Variants in EPB41L3 observed in about 807,000 individuals in gnomAD.
EPB41L3 encodes the protein band 4.1-like protein 3.
EPB41L3 carries 57 observed loss-of-function variants against 127.1 expected under a neutral mutation model. That is an observed-to-expected ratio of 0.45 (90% CI 0.36 to 0.56). The LOEUF (loss-of-function observed/expected upper bound fraction) is 0.56. Ranked by LOEUF, EPB41L3 falls within the 20% of genes least tolerant of loss-of-function variation. The pLI is 0.00. For missense variants in EPB41L3, 1,273 were observed against 1,372.2 expected, an observed-to-expected ratio of 0.93 and a Z score of 1.14; for synonymous variants, 572 against 549.5, an observed-to-expected ratio of 1.04 and a Z score of -0.57.
intron 3 of EPB41L3, among the ~76,000 whole-genome samples, chr18:5,592,466 G>T (rs879339270): frequency 4.6e-5 from 7 of 152,202 alleles, no homozygotes; most frequent in Non-Finnish European, 8.8e-5. Flanking sequence ...CAAAATAAAA[G>T]TCAGATAAAC....
At chr18:5,488,963 G>T (rs759491383) in intron 2 of EPB41L3, 38 bp downstream of exon 2, 1 of 1,549,266 alleles carries the variant, frequency 6.5e-7, no homozygotes, top group Admixed American at 2.0e-5. Context: ...GAGCAGCTCA[G>T]CAAACACTGC....
chr18:5,629,340 C>A (rs1049982295), upstream of EPB41L3, among the ~76,000 whole-genome samples: 4 of 151,562 alleles, frequency 2.6e-5, no homozygotes, highest in South Asian at 8.3e-4. Flanking sequence ...GCGGTCCCTG[C>A]GGCTCCGCCG....
intron 3 of EPB41L3, among the ~76,000 whole-genome samples, chr18:5,608,758 G>A (rs545609766): frequency 3.3e-5 from 5 of 152,230 alleles, no homozygotes; most frequent in African/African-American, 1.2e-4. Flanking sequence ...AGACCCAAAA[G>A]TGCACACAGA....
intron 1 of EPB41L3, among the ~76,000 whole-genome samples, chr18:5,617,560 C>T (rs1033617792): frequency 1.2e-4 from 18 of 152,202 alleles, no homozygotes; most frequent in African/African-American, 1.9e-4. Flanking sequence ...CCTCGCGATC[C>T]GCCCGCCTCG....
intron 3 of EPB41L3, among the ~76,000 whole-genome samples, chr18:5,462,824 C>T (rs1243771546): frequency 6.6e-6 from 1 of 152,206 alleles, no homozygotes; most frequent in Admixed American, 6.5e-5. Context: ...ACATCTCTTG[C>T]AAATGACAAA....
At chr18:5,441,609 GC>G (rs1239807770) in intron 5 of EPB41L3, among the ~76,000 whole-genome samples, 1 of 152,106 alleles carries the variant, frequency 6.6e-6, no homozygotes. Context: ...GGGACTACAG[GC>G]GCACGCCACC....
At chr18:5,400,758 TAGA>T in intron 16 of EPB41L3, 1 of 569,274 alleles carries the variant, frequency 1.8e-6, no homozygotes, top group East Asian at 3.0e-5. Context: ...CAGCTTGGAT[TAGA>T]AGCCATGAAG....
intron 3 of EPB41L3, among the ~76,000 whole-genome samples, chr18:5,561,134 C>T (rs12606319): frequency 0.094 from 13,037 of 139,400 alleles, 915 homozygotes; most frequent in Middle Eastern, 0.16. Context: ...CCCGCCACTA[C>T]GCCCGGCTAA....
At chr18:5,602,270 T>C (rs977989096) in intron 3 of EPB41L3, among the ~76,000 whole-genome samples, 4 of 152,162 alleles carry the variant, frequency 2.6e-5, no homozygotes, top group Admixed American at 1.3e-4. Context: ...ATGCTGCACG[T>C]TTTCCATCCC....
chr18:5,602,953 A>G (rs1599245741), intron 3 of EPB41L3, among the ~76,000 whole-genome samples: 1 of 152,248 alleles, frequency 6.6e-6, no homozygotes, highest in Non-Finnish European at 1.5e-5. Flanking sequence ...TCATGAATCA[A>G]TTGTTTTTCA....
chr18:5,576,634 G>C (rs2094338801), intron 3 of EPB41L3, among the ~76,000 whole-genome samples: 1 of 152,126 alleles, frequency 6.6e-6, no homozygotes, highest in Non-Finnish European at 1.5e-5. Flanking sequence ...CCCACTAAGA[G>C]ACCCATACGT....
intron 3 of EPB41L3, among the ~76,000 whole-genome samples, chr18:5,447,627 A>G (rs2146438342): frequency 6.6e-6 from 1 of 152,210 alleles, no homozygotes; most frequent in African/African-American, 2.4e-5. Flanking sequence ...GACGCAAGAG[A>G]CCACAGCCAT....
At chr18:5,466,061 T>G (rs1056813896) in intron 3 of EPB41L3, among the ~76,000 whole-genome samples, 3 of 152,212 alleles carry the variant, frequency 2.0e-5, no homozygotes, top group African/African-American at 7.2e-5. Flanking sequence ...ATTATCATTT[T>G]TTCCATTTCC....
chr18:5,401,568 C>A (rs111755067), intron 16 of EPB41L3, among the ~76,000 whole-genome samples: 93 of 152,152 alleles, frequency 6.1e-4, no homozygotes, highest in African/African-American at 2.1e-3. Context: ...CCCAGTTATA[C>A]TTAGATGGAT....
Position 5,618,062 on chromosome 18 carries a change from G to A in EPB41L3, c.-467-3639C>T, listed in dbSNP as rs952201636. On this transcript the variant is annotated intron_variant, in intron 1 of 21. Coordinates refer to the EPB41L3 transcript ENST00000545076. ...TTAATATAGTTGTCTGGACTAGCCT[G>A]GAAACCTAAACACAATTTTTAATCT... Among the ~76,000 whole-genome samples, 3 of 152,138 alleles carry A rather than the reference G, an allele frequency of 2.0e-5. No homozygotes were observed. In the South Asian group the frequency reaches 6.2e-4, roughly 32 times the overall value.
At position 5,416,180 on chromosome 18, in the gene EPB41L3, G is replaced by A; in HGVS notation, c.1705C>T (p.Gln569Ter). 6.2e-7 allele frequency: 1 copy of A among 1,614,136 alleles called. No individual in the cohort carries two copies. The highest frequency in any genetic ancestry group is 8.5e-7 in the Non-Finnish European group (1 of 1,179,988). ...TGTCTGTAGCTAAAAGCCACATCTTGATCCCCTAGGTAAGGCCTCCCTGGG... is the reference window on the plus strand; with the variant it reads ...TGTCTGTAGCTAAAAGCCACATCTTAATCCCCTAGGTAAGGCCTCCCTGGG... ...DGPGRPYLGD[Q>*]DVAFSYRQQT... Residue 569 changes from glutamine to a stop codon, truncating the protein, a stop_gained, in exon 13 of 23, where the codon CAA becomes TAA. Transcript: ENST00000341928. LOFTEE classifies it high-confidence loss of function.
At chr18:5,400,633 A>G (rs1269169766) in intron 16 of EPB41L3, 3 of 472,384 alleles carry the variant, frequency 6.4e-6, no homozygotes, top group African/African-American at 5.9e-5. Context: ...AACTTTCAAA[A>G]TCAGTCAACT....
At chr18:5,404,096 G>C (rs1402190611) in intron 16 of EPB41L3, among the ~76,000 whole-genome samples, 1 of 152,136 alleles carries the variant, frequency 6.6e-6, no homozygotes, top group Non-Finnish European at 1.5e-5. Context: ...ATGACTATGA[G>C]GTCCTGGAGA....
At chr18:5,462,832 A>G (rs557654653) in intron 3 of EPB41L3, among the ~76,000 whole-genome samples, 44 of 152,340 alleles carry the variant, frequency 2.9e-4, no homozygotes, top group African/African-American at 1.1e-3. Flanking sequence ...TGCAAATGAC[A>G]AACAGTATAC....
Sources: gnomAD v4.1 joint callset for allele counts (sites outside exome capture counted in the v4.1 genomes callset) on GRCh38, gnomAD v4.1.1 for gene constraint, MANE v1.5 for transcripts, NCBI Gene and HGNC (gene_info 2026-07-23, HGNC 2026-07-21) for gene names.